MYRFL: variants seen among roughly 807,000 people sequenced by gnomAD.
The protein encoded by MYRFL is myelin regulatory factor like, also known as myelin regulatory factor-like protein.
In MYRFL, 88 loss-of-function variants were observed where a neutral mutation model predicts 109.4. The ratio of observed to expected loss-of-function variants is 0.80; its 90% confidence interval spans 0.68 to 0.96. The LOEUF (loss-of-function observed/expected upper bound fraction) is 0.96. MYRFL is among the 40% of genes least tolerant of loss of function. The pLI is 0.00. For missense variants in MYRFL, 957 were observed against 954.9 expected (o/e 1.00, Z -0.03); for synonymous variants, 324 against 320.9 (o/e 1.01, Z -0.10).
At chr12:69,837,430 C>A (rs1166374219) in intron 1 of MYRFL, among the ~76,000 whole-genome samples, 1 of 152,050 alleles carries the variant, frequency 6.6e-6, no homozygotes, top group Non-Finnish European at 1.5e-5. Flanking sequence ...GTCATGAGTT[C>A]AACAATTGGT....
At chr12:69,880,723 T>G (rs1240289) in intron 5 of MYRFL, among the ~76,000 whole-genome samples, 57,045 of 151,948 alleles carry the variant, frequency 0.38, 11,693 homozygotes, top group East Asian at 0.72. Context: ...AGGGTCTGAG[T>G]TCTGCATTTC....
intron 2 of MYRFL, among the ~76,000 whole-genome samples, chr12:69,860,891 TC>T (rs1418454940): frequency 1.8e-5 from 1 of 54,842 alleles, no homozygotes; most frequent in South Asian, 8.3e-4. Flanking sequence ...CCCTCCCCCC[TC>T]CCCCCTCCCC....
intron 1 of MYRFL, among the ~76,000 whole-genome samples, chr12:69,846,243 G>T (rs1157783229): frequency 3.3e-5 from 5 of 150,444 alleles, no homozygotes; most frequent in Admixed American, 2.7e-4. Flanking sequence ...CAATGTGCAG[G>T]TTAGTTACAT....
chr12:69,927,861 G>T, intron 15 of MYRFL, 113 bp downstream of exon 15: 1 of 923,392 alleles, frequency 1.1e-6, no homozygotes, highest in Non-Finnish European at 1.6e-6. Flanking sequence ...TCCCTAGTTT[G>T]CATCCTTATG....
At chr12:69,847,318 C>G (rs562498723) in intron 1 of MYRFL, among the ~76,000 whole-genome samples, 1 of 152,286 alleles carries the variant, frequency 6.6e-6, no homozygotes, top group East Asian at 1.9e-4. Context: ...ATTATGCCAC[C>G]TCTTTACTAA....
intron 13 of MYRFL, 49 bp from the exon 14 acceptor site, chr12:69,926,522 T>C: frequency 7.0e-7 from 1 of 1,424,720 alleles, no homozygotes. Flanking sequence ...AGCTTTGTAG[T>C]GATCTCAAAT....
At chr12:69,950,951 A>T (rs1187723960) in intron 19 of MYRFL, among the ~76,000 whole-genome samples, 1 of 152,232 alleles carries the variant, frequency 6.6e-6, no homozygotes, top group Non-Finnish European at 1.5e-5. Context: ...AGATTGAGCA[A>T]GACATTATGG....
chr12:69,847,960 T>C (rs11177900), intron 1 of MYRFL, among the ~76,000 whole-genome samples: 47,454 of 152,008 alleles, frequency 0.31, 7,778 homozygotes, highest in Admixed American at 0.37. Flanking sequence ...TTCCAAAATA[T>C]ACAGACATCA....
chr12:69,825,845 A>G (rs1288926044), intron 1 of MYRFL, among the ~76,000 whole-genome samples: 1 of 152,064 alleles, frequency 6.6e-6, no homozygotes, highest in Non-Finnish European at 1.5e-5. Flanking sequence ...CCTGTCCTGT[A>G]CTAGATTTTA....
chr12:69,856,806 A>T (rs372744363), intron 2 of MYRFL, among the ~76,000 whole-genome samples: 2 of 152,050 alleles, frequency 1.3e-5, no homozygotes, highest in African/African-American at 4.8e-5. Context: ...AGTTTGTTAG[A>T]TATGTTATTC....
intron 1 of MYRFL, among the ~76,000 whole-genome samples, chr12:69,840,949 C>T (rs960869869): frequency 3.3e-5 from 5 of 152,220 alleles, no homozygotes; most frequent in African/African-American, 1.2e-4. Context: ...AATTATCAGG[C>T]ACATAAATTC....
chr12:69,952,128 C>A lies in MYRFL; in HGVS notation c.2240C>A (p.Ser747Ter). 1 of 1,536,020 alleles carries A rather than the reference C, an allele frequency of 6.5e-7. No homozygotes were observed. The highest frequency in any genetic ancestry group is 2.4e-5 in the East Asian group (1 of 40,914). ...TCCTTTTCAGAAGACAAAAGCAAAT[C>A]AGTTTTGGCAAGAAATGCACTCAGC... ...QRRWSEDKSK[S>*]VLARNALSGP... Residue 747 changes from serine to a stop codon, truncating the protein, a stop_gained, in exon 20 of 25, where the codon TCA becomes TAA. Transcript: ENST00000552032. LOFTEE classifies it high-confidence loss of function.
intron 13 of MYRFL, 148 bp downstream of exon 13, chr12:69,911,078 C>A: frequency 2.1e-6 from 1 of 481,888 alleles, no homozygotes. Context: ...TAGGTATCAA[C>A]TCTCTTATAA....
intron 4 of MYRFL, among the ~76,000 whole-genome samples, chr12:69,879,878 AG>A (rs1311194473): frequency 1.3e-4 from 20 of 152,212 alleles, no homozygotes; most frequent in Admixed American, 7.8e-4. Context: ...TGCCAGAAAG[AG>A]TAAAGGCTAT....
At chr12:69,825,877 T>C (rs1882243772) in intron 1 of MYRFL, among the ~76,000 whole-genome samples, 1 of 151,984 alleles carries the variant, frequency 6.6e-6, no homozygotes. Context: ...GCCCTATGTT[T>C]AAAAAAACTA....
chr12:69,958,185 G>A (rs1956136080), intron 23 of MYRFL, 64 bp from the exon 24 acceptor site: 1 of 1,376,402 alleles, frequency 7.3e-7, no homozygotes, highest in Non-Finnish European at 9.9e-7. Flanking sequence ...TTTTCAGCCT[G>A]TACTCTTTCC....
chr12:69,897,611 C>T (rs927996660), intron 10 of MYRFL, among the ~76,000 whole-genome samples: 16 of 152,220 alleles, frequency 1.1e-4, no homozygotes, highest in Admixed American at 9.2e-4. Flanking sequence ...GTTCTAGGCA[C>T]TGAGCTAAAC....
chr12:69,953,004 C>CT, intron 21 of MYRFL, 118 bp downstream of exon 21: 2 of 633,530 alleles, frequency 3.2e-6, no homozygotes, highest in Non-Finnish European at 5.3e-6. Context: ...GCTTACATTG[C>CT]TCCTTAAGTG....
At chr12:69,902,970 C>G (rs1396854686) in intron 10 of MYRFL, among the ~76,000 whole-genome samples, 1 of 152,190 alleles carries the variant, frequency 6.6e-6, no homozygotes, top group Non-Finnish European at 1.5e-5. Context: ...AGCTTTGTGG[C>G]TTTGGGCAAT....
Sources: allele counts gnomAD v4.1 joint callset (sites outside exome capture counted in the v4.1 genomes callset), GRCh38; gene constraint gnomAD v4.1.1; transcripts MANE v1.5; gene names NCBI Gene and HGNC (gene_info 2026-07-23, HGNC 2026-07-21).